CACNA1H: variants seen among roughly 807,000 people sequenced by gnomAD.
The protein encoded by CACNA1H is calcium voltage-gated channel subunit alpha1 H.
Under a neutral mutation model 192.5 loss-of-function variants are expected in CACNA1H, and 149 were observed. The ratio of observed to expected loss-of-function variants is 0.77; its 90% CI spans 0.68 to 0.89. The LOEUF (loss-of-function observed/expected upper bound fraction) is 0.89, where lower values mean the gene tolerates loss of function less well. Among genes scored for constraint, CACNA1H ranks in the 40% least tolerant of loss-of-function variants. CACNA1H has a pLI of 0.00. For synonymous variants in CACNA1H, 2,202 were observed against 1,475.2 expected, an observed-to-expected ratio of 1.49 and a Z score of -11.29; for missense variants, 4,257 against 3,423.5, an observed-to-expected ratio of 1.24 and a Z score of -6.08.
intron 3 of CACNA1H, 105 bp from the exon 4 acceptor site, chr16:1,195,327 G>T (rs1390058125): frequency 1.2e-5 from 17 of 1,431,704 alleles, no homozygotes; most frequent in Non-Finnish European, 1.6e-5. Flanking sequence ...GGGGCGGGGC[G>T]AGGGGTGTGG....
At position 1,200,331 on chromosome 16, in the gene CACNA1H, ACGCCGAGACAACGGCATGCAGAAGTGCT is replaced by A; in HGVS notation, c.883_910del (p.Arg295ThrfsTer71). The A allele has an allele frequency of 6.2e-7, 1 of 1,603,740 alleles. No individual in the cohort carries two copies. On this transcript the variant is annotated frameshift_variant, in exon 7 of 35. Coordinates refer to ENST00000348261, the MANE Select transcript of CACNA1H (RefSeq NM_021098.3). LOFTEE classifies it high-confidence loss of function. ...AGGAGAACCCGTTCATCTGCTCCTC[ACGCCGAGACAACGGCATGCAGAAGTGCT>A]CGCACATCCCCGGCCGCCGCGAGCT...
At chr16:1,195,121 T>C in intron 3 of CACNA1H, 38 bp downstream of exon 3, 1 of 1,288,240 alleles carries the variant, frequency 7.8e-7, no homozygotes, top group Non-Finnish European at 1.1e-6. Context: ...GGAGCGTGGG[T>C]CGCTACGAGG....
intron 31 of CACNA1H, among the ~76,000 whole-genome samples, chr16:1,217,658 CAAT>C (rs899029171): frequency 2.0e-5 from 3 of 152,180 alleles, no homozygotes; most frequent in Admixed American, 1.3e-4. Context: ...CAGACACACA[CAAT>C]AATGATTCTT....
chr16:1,202,504 G>T, intron 9 of CACNA1H, 52 bp downstream of exon 9: 1 of 1,419,448 alleles, frequency 7.0e-7, no homozygotes. Context: ...TAGGCAGGGC[G>T]GGCAGGGTCT....
chr16:1,187,624 C>T (rs917828214), intron 2 of CACNA1H, among the ~76,000 whole-genome samples: 1 of 152,338 alleles, frequency 6.6e-6, no homozygotes, highest in South Asian at 2.1e-4. Flanking sequence ...CTCTGCCACC[C>T]CGGCACTGAT....
intron 2 of CACNA1H, among the ~76,000 whole-genome samples, chr16:1,160,414 C>T (rs959167997): frequency 2.6e-5 from 4 of 152,294 alleles, no homozygotes; most frequent in East Asian, 3.9e-4. Flanking sequence ...CAGTGATGGA[C>T]GGCCGCCTCG....
In CACNA1H at chr16:1,155,546, C is replaced by A. The variant is rs531831525; in HGVS notation, c.299+1510C>A. On this transcript the variant is annotated intron_variant, in intron 2 of 34. Transcript: ENST00000348261. ...TGGGAGGCTGGCCCCGAGCCAAGGC[C>A]TGCGTTCCTTGTTTCCCAACGTGTG... Among the ~76,000 whole-genome samples, 43 of 152,256 alleles carry A rather than the reference C, an allele frequency of 2.8e-4. No homozygotes were observed. In the South Asian group the frequency reaches 7.9e-3, roughly 28 times the overall value.
intron 2 of CACNA1H, among the ~76,000 whole-genome samples, chr16:1,169,718 G>A (rs892542334): frequency 6.6e-6 from 1 of 152,256 alleles, no homozygotes; most frequent in African/African-American, 2.4e-5. Context: ...CTGTGGCTGT[G>A]GGAGCTTCAG....
At chr16:1,217,848 G>A in intron 31 of CACNA1H, 71 bp from the exon 32 acceptor site, 2 of 1,509,912 alleles carry the variant, frequency 1.3e-6, no homozygotes, top group Non-Finnish European at 1.8e-6. Context: ...GGGGCATGTG[G>A]AGGCTGGGTG....
chr16:1,210,348 T>G, intron 18 of CACNA1H, 22 bp from the exon 19 acceptor site: 49 of 277,424 alleles, frequency 1.8e-4, no homozygotes, highest in Non-Finnish European at 2.8e-4. Context: ...GCCCCACCTC[T>G]CACCCGCCCC....
At chr16:1,219,573 GC>G (rs1970314921) in intron 34 of CACNA1H, among the ~76,000 whole-genome samples, 1 of 152,222 alleles carries the variant, frequency 6.6e-6, no homozygotes, top group Admixed American at 6.5e-5. Context: ...CCCACCTGCA[GC>G]CTCAGCTCCT....
rs993654582 is a variant in CACNA1H, at chr16:1,205,097, C to G, written c.2452-17C>G. 6.2e-7 allele frequency: 1 copy of G among 1,606,760 alleles called. No individual in the cohort carries two copies. Among genetic ancestry groups the G allele is most frequent in the Non-Finnish European group, 8.5e-7 (1 of 1,178,430 alleles). On this transcript the variant is annotated splice_polypyrimidine_tract_variant and intron_variant, in intron 10 of 34. Coordinates refer to ENST00000348261, the MANE Select transcript of CACNA1H (RefSeq NM_021098.3). ...CGCGGGTGCGGCCTCCTGAACTGTC[C>G]CCACCTCTGCCTGCAGCCCGAGGAG...
chr16:1,157,048 G>A (rs1028696937), intron 2 of CACNA1H: 4 of 152,330 alleles, frequency 2.6e-5, no homozygotes, highest in Admixed American at 6.5e-5. Flanking sequence ...GTTGTCGCCC[G>A]GCTGGGTTAT....
At chr16:1,219,193 C>G (rs1032652984) in intron 34 of CACNA1H, 63 bp downstream of exon 34, 190 of 1,420,834 alleles carry the variant, frequency 1.3e-4, no homozygotes, top group Non-Finnish European at 1.7e-4. Flanking sequence ...AGGGATGCCT[C>G]GTCTCATCTG....
chr16:1,166,667 A>C (rs763390685), intron 2 of CACNA1H, among the ~76,000 whole-genome samples: 1 of 151,622 alleles, frequency 6.6e-6, no homozygotes, highest in Non-Finnish European at 1.5e-5. Flanking sequence ...CCTGTTCTGG[A>C]CGTTCCCTGT....
chr16:1,179,769 C>T (rs967206039), intron 2 of CACNA1H, among the ~76,000 whole-genome samples: 10 of 121,044 alleles, frequency 8.3e-5, no homozygotes, highest in Middle Eastern at 6.2e-3. Flanking sequence ...GAGTCTTGCT[C>T]TGTCGCCCAG....
At chr16:1,189,640 T>G (rs1966414310) in intron 2 of CACNA1H, among the ~76,000 whole-genome samples, 1 of 152,072 alleles carries the variant, frequency 6.6e-6, no homozygotes, top group South Asian at 2.1e-4. Context: ...CAGGCTGGTC[T>G]CAGACTCCTG....
rs1390570879 is a variant in CACNA1H at position 1,200,804 on chromosome 16, T to C, written c.1208T>C (p.Ile403Thr). 1 of 1,551,036 alleles carries C rather than the reference T, an allele frequency of 6.4e-7. No individual in the cohort carries two copies. Among genetic ancestry groups the C allele is most frequent in the Non-Finnish European group, 8.7e-7 (1 of 1,146,780 alleles). The change falls in exon 8 of 35, where the codon ATC becomes ACC. Residue 403 changes from isoleucine to threonine, a missense_variant. Coordinates refer to ENST00000348261, the MANE Select transcript of CACNA1H (RefSeq NM_021098.3). ...AACTTCATCTATTTCATCCTGCTCA[T>C]CATCGTGAGTGTGGGCGGCAGTGTT... ...FYNFIYFILLIIVGSFFMINL... is the reference protein window; with the variant it reads ...FYNFIYFILLTIVGSFFMINL...
chr16:1,185,115 G>A (rs558031134), intron 2 of CACNA1H, among the ~76,000 whole-genome samples: 4 of 152,304 alleles, frequency 2.6e-5, no homozygotes, highest in Admixed American at 6.5e-5. Flanking sequence ...GTGACATGTG[G>A]TCCTTCTGTG....
Sources: gnomAD v4.1 joint callset for allele counts (sites outside exome capture counted in the v4.1 genomes callset) on GRCh38, gnomAD v4.1.1 for gene constraint, MANE v1.5 for transcripts, NCBI Gene and HGNC (gene_info 2026-07-23, HGNC 2026-07-21) for gene names.